GRIK4: variants seen among roughly 807,000 people sequenced by gnomAD.
GRIK4 encodes the protein glutamate receptor ionotropic, kainate 4.
A neutral mutation model predicts 104.9 loss-of-function variants in GRIK4; 40 were observed. That is an observed-to-expected ratio of 0.38 (90% CI 0.30 to 0.50). GRIK4 has a LOEUF of 0.50. Ranked by LOEUF, GRIK4 falls within the 20% of genes least tolerant of loss-of-function variation. GRIK4 has a pLI of 0.93. For missense variants in GRIK4, 1,047 were observed against 1,308.1 expected, an observed-to-expected ratio of 0.80 and a Z score of 3.08; for synonymous variants, 485 against 524.9, an observed-to-expected ratio of 0.92 and a Z score of 1.04.
chr11:120,539,070 C>T (rs1438925199), intron 1 of GRIK4, among the ~76,000 whole-genome samples: 6 of 152,236 alleles, frequency 3.9e-5, no homozygotes, highest in Admixed American at 6.5e-5. Flanking sequence ...GGCACCCAGC[C>T]GAGACTGCAG....
rs1380138306 is a variant in GRIK4, at chr11:120,905,751, A to G, written c.1476+258A>G. Reference sequence around the variant, plus strand: ...CAAGTCATGGAGGCTCTGATTGATTAACACAGATGAGGGAGTTTGGGTTCC... The same window carrying G: ...CAAGTCATGGAGGCTCTGATTGATTGACACAGATGAGGGAGTTTGGGTTCC... On this transcript the variant is annotated intron_variant, in intron 13 of 20. Transcript: ENST00000527524. This position sits in a 1 kb window ranked among gnomAD's most constrained non-coding sequence, Gnocchi z 5.1. 6.6e-6 allele frequency among the ~76,000 whole-genome samples: 1 copy of G among 152,202 alleles called. No homozygotes were observed. Among genetic ancestry groups the G allele is most frequent in the Admixed American group, 6.5e-5 (1 of 15,286 alleles).
chr11:120,867,911 T>C (rs1345792329), intron 9 of GRIK4: 2 of 152,140 alleles, frequency 1.3e-5, no homozygotes, highest in Non-Finnish European at 2.9e-5. Context: ...GATTAAGTAA[T>C]TAGAATTTAG....
rs77774787 is a variant in GRIK4 at position 120,611,835 on chromosome 11, C to T, written c.-158-41850C>T. On this transcript the variant is annotated intron_variant, in intron 1 of 20. Transcript: ENST00000527524. ...ATTGGACGGATGAGTGCTCTAATTC[C>T]AGGCCTGGTGCGCCCCACCTGGGAT... is the stretch of plus-strand genomic sequence containing the variant. 3.0e-3 allele frequency among the ~76,000 whole-genome samples: 457 copies of T among 152,284 alleles called. 12 individuals are homozygous for T. The East Asian group carries it at 0.059, about 20-fold the overall frequency.
intron 1 of GRIK4, among the ~76,000 whole-genome samples, chr11:120,629,212 G>T (rs1949301895): frequency 6.6e-6 from 1 of 152,168 alleles, no homozygotes; most frequent in Non-Finnish European, 1.5e-5. Context: ...CTGGTATAGG[G>T]CAGTGGTTGA....
intron 1 of GRIK4, among the ~76,000 whole-genome samples, chr11:120,644,398 G>T (rs1361052355): frequency 6.6e-6 from 1 of 152,186 alleles, no homozygotes; most frequent in African/African-American, 2.4e-5. Flanking sequence ...GTATTTGCAT[G>T]CATTTCTCAT....
chr11:120,690,381 A>G (rs1418154572), intron 3 of GRIK4, among the ~76,000 whole-genome samples: 1 of 152,236 alleles, frequency 6.6e-6, no homozygotes, highest in African/African-American at 2.4e-5. Flanking sequence ...TTGTCCAGCC[A>G]CATTCTCCCA....
At chr11:120,798,531 C>A (rs766771048) in intron 3 of GRIK4, among the ~76,000 whole-genome samples, 1 of 152,080 alleles carries the variant, frequency 6.6e-6, no homozygotes, top group South Asian at 2.1e-4. Flanking sequence ...GGCTGGAATG[C>A]GGTGGCATGA....
At chr11:120,738,952 A>G (rs894352292) in intron 3 of GRIK4, among the ~76,000 whole-genome samples, 1 of 152,202 alleles carries the variant, frequency 6.6e-6, no homozygotes, top group Non-Finnish European at 1.5e-5. Flanking sequence ...GTCGGCAGAG[A>G]GGAGCAGAGT....
At position 120,830,128 on chromosome 11, in the gene GRIK4, CTG is replaced by C. The variant is rs541482583; in HGVS notation, c.512-1722_512-1721del. On this transcript the variant is annotated intron_variant, in intron 6 of 20. Coordinates refer to ENST00000527524, the MANE Select transcript of GRIK4 (RefSeq NM_014619.5). ...ACGGGTTGGCAGCACCTTCCCAGAG[CTG>C]TCTCTATCAGGCCAGTCCCTTGGGC... Among the ~76,000 whole-genome samples, 14 of 151,874 alleles carry C rather than the reference CTG, an allele frequency of 9.2e-5. No individual in the cohort carries two copies. The South Asian group carries it at 2.9e-3, about 32-fold the overall frequency.
chr11:120,968,473 T>C (rs1197702221), intron 19 of GRIK4, among the ~76,000 whole-genome samples: 2 of 152,200 alleles, frequency 1.3e-5, no homozygotes, highest in Non-Finnish European at 2.9e-5. Flanking sequence ...ATCATGTGCT[T>C]GTCTTTTCTG....
intron 8 of GRIK4, among the ~76,000 whole-genome samples, chr11:120,841,042 T>C (rs1304627619): frequency 6.6e-6 from 1 of 152,270 alleles, no homozygotes; most frequent in Admixed American, 6.5e-5. Context: ...TCTAGGTTCA[T>C]TCATGTTGTA....
At chr11:120,542,802 A>T (rs1948050386) in intron 1 of GRIK4, among the ~76,000 whole-genome samples, 1 of 152,248 alleles carries the variant, frequency 6.6e-6, no homozygotes, top group Admixed American at 6.5e-5. Context: ...GAAGATAACA[A>T]ATACTGGTGA....
rs139097194 is a variant in GRIK4, at chr11:120,651,189, T to C, written c.-158-2496T>C. 1.7e-3 allele frequency among the ~76,000 whole-genome samples: 260 copies of C among 152,310 alleles called. 1 individual carries two copies. Among genetic ancestry groups the C allele is most frequent in the Admixed American group, 5.2e-3 (79 of 15,302 alleles). On this transcript the variant is annotated intron_variant, in intron 1 of 20. Transcript: ENST00000527524. ...CATCAGAGTGTCTGTGTACAAGGGC[T>C]GGAAGGAAGCACTGAATGGGGTGGA...
chr11:120,793,795 T>C (rs190899993), intron 3 of GRIK4, among the ~76,000 whole-genome samples: 9 of 146,996 alleles, frequency 6.1e-5, no homozygotes, highest in African/African-American at 2.3e-4. Context: ...GGGCAATGTT[T>C]AGAGGTGAGG....
At chr11:120,802,567 C>A (rs113190811) in intron 3 of GRIK4, 126 bp from the exon 4 acceptor site, 144 of 797,980 alleles carry the variant, frequency 1.8e-4, no homozygotes, top group Non-Finnish European at 2.9e-4. Context: ...CTGAGCATGG[C>A]AGGATGGAGA....
chr11:120,520,137 C>T (rs1947779592), intron 1 of GRIK4, among the ~76,000 whole-genome samples: 1 of 152,166 alleles, frequency 6.6e-6, no homozygotes, highest in Non-Finnish European at 1.5e-5. Flanking sequence ...AGGTGATCCA[C>T]CCGCCTCAGC....
chr11:120,818,043 A>G (rs1003872558), intron 5 of GRIK4, among the ~76,000 whole-genome samples: 1 of 152,270 alleles, frequency 6.6e-6, no homozygotes, highest in African/African-American at 2.4e-5. Context: ...ATCACACAGC[A>G]GAACCTGGAT....
chr11:120,865,470 T>C (rs141226041), intron 9 of GRIK4, among the ~76,000 whole-genome samples: 2 of 152,324 alleles, frequency 1.3e-5, no homozygotes, highest in African/African-American at 4.8e-5. Context: ...CATGCAAGGG[T>C]TGGCTAATCC....
At chr11:120,520,556 A>G (rs952299783) in intron 1 of GRIK4, among the ~76,000 whole-genome samples, 1 of 152,188 alleles carries the variant, frequency 6.6e-6, no homozygotes, top group Non-Finnish European at 1.5e-5. Context: ...GAGTCTGAGC[A>G]CTGATTAGTG....
Sources: allele counts gnomAD v4.1 joint callset (sites outside exome capture counted in the v4.1 genomes callset), GRCh38; gene constraint gnomAD v4.1.1; non-coding constraint Gnocchi (gnomAD v3.1); transcripts MANE v1.5; gene names NCBI Gene and HGNC (gene_info 2026-07-23, HGNC 2026-07-21).